The following MROH9 variants were observed in gnomAD, a reference collection of about 807,000 sequenced individuals.
MROH9 encodes the protein maestro heat-like repeat-containing protein family member 9.
A neutral mutation model predicts 98.2 loss-of-function variants in MROH9; 92 were observed. That is an observed-to-expected ratio of 0.94 (90% CI 0.79 to 1.11). The LOEUF (loss-of-function observed/expected upper bound fraction) is 1.11, where lower values mean the gene tolerates loss of function less well. Among genes scored for constraint, MROH9 ranks in the 50% most tolerant of loss-of-function variants. The pLI is 0.00. For missense variants in MROH9, 1,057 were observed against 1,014.8 expected, an observed-to-expected ratio of 1.04 and a Z score of -0.57; for synonymous variants, 397 against 368.9, an observed-to-expected ratio of 1.08 and a Z score of -0.87.
intron 20 of MROH9, among the ~76,000 whole-genome samples, chr1:171,057,046 C>A (rs571125824): frequency 1.3e-5 from 2 of 152,288 alleles, no homozygotes; most frequent in South Asian, 4.1e-4. Context: ...ACCCAAAAAT[C>A]CAGAGTGCCT....
chr1:171,004,410 C>T (rs577163000), intron 15 of MROH9, among the ~76,000 whole-genome samples: 1 of 150,370 alleles, frequency 6.7e-6, no homozygotes, highest in South Asian at 2.1e-4. Flanking sequence ...ACCCAGTGAA[C>T]TCCCAGGGCC....
chr1:170,937,560 C>T (rs1231567911), intron 1 of MROH9, among the ~76,000 whole-genome samples: 5 of 133,156 alleles, frequency 3.8e-5, no homozygotes, highest in South Asian at 2.3e-4. Context: ...CTCGCTCTGT[C>T]GCCCAGGCTG....
intron 20 of MROH9, among the ~76,000 whole-genome samples, chr1:171,055,884 G>C (rs79464590): frequency 0.025 from 3,828 of 152,236 alleles, 165 homozygotes; most frequent in African/African-American, 0.087. Flanking sequence ...AGTGTGGTGT[G>C]GTGGCCCATC....
chr1:170,969,705 A>G (rs894117186), intron 7 of MROH9, among the ~76,000 whole-genome samples: 1 of 152,182 alleles, frequency 6.6e-6, no homozygotes, highest in Non-Finnish European at 1.5e-5. Flanking sequence ...CCAGATCTAC[A>G]AAGAAAGGGC....
chr1:171,013,280 A>G (rs1286751086), intron 15 of MROH9, among the ~76,000 whole-genome samples: 11 of 152,194 alleles, frequency 7.2e-5, no homozygotes, highest in Admixed American at 7.2e-4. Context: ...AGGGCTGCAC[A>G]GCGGGAAGTG....
chr1:170,936,724 T>C (rs1425117205), intron 1 of MROH9, among the ~76,000 whole-genome samples: 1 of 152,120 alleles, frequency 6.6e-6, no homozygotes, highest in Non-Finnish European at 1.5e-5. Context: ...CATGTTGAAA[T>C]GTAGTGGGAT....
intron 20 of MROH9, among the ~76,000 whole-genome samples, chr1:171,055,724 C>A (rs569635491): frequency 1.3e-5 from 2 of 151,676 alleles, no homozygotes. Flanking sequence ...GCCAAGATGT[C>A]CAACTAGAAA....
rs559278600 is a variant in MROH9 at position 171,062,291 on chromosome 1, G to C, written c.2344+97G>C. On this transcript the variant is annotated intron_variant, in intron 21 of 21. Transcript: ENST00000367759. ...CATATGAGTTCTGTTAGAGTGCCAGGCCAGACAGGAAGAGGGTGGTGGTAG... is the reference window on the plus strand; with the variant it reads ...CATATGAGTTCTGTTAGAGTGCCAGCCCAGACAGGAAGAGGGTGGTGGTAG... 7.4e-6 allele frequency: 6 copies of C among 815,106 alleles called. No homozygotes were observed. In the African/African-American group the frequency reaches 1.0e-4, roughly 14 times the overall value. 50.5% of individuals were successfully genotyped at this position (815,106 alleles called of 1,614,324 possible). A position where few individuals can be genotyped will look rare whatever the true frequency, so the allele number is the denominator to read the frequency against.
At chr1:171,051,200 A>C (rs929555978) in intron 20 of MROH9, among the ~76,000 whole-genome samples, 1 of 152,190 alleles carries the variant, frequency 6.6e-6, no homozygotes, top group Non-Finnish European at 1.5e-5. Flanking sequence ...AAGACCTAAA[A>C]CCAGAAATAC....
At chr1:170,963,795 A>G (rs1479781634) in intron 6 of MROH9, among the ~76,000 whole-genome samples, 1 of 152,114 alleles carries the variant, frequency 6.6e-6, no homozygotes, top group Non-Finnish European at 1.5e-5. Context: ...GAAAACATGA[A>G]CACATATTGG....
intron 3 of MROH9, among the ~76,000 whole-genome samples, chr1:170,950,861 T>C (rs960615957): frequency 6.6e-6 from 1 of 152,128 alleles, no homozygotes; most frequent in Non-Finnish European, 1.5e-5. Flanking sequence ...TTACTATGCA[T>C]GTTTGTAAAT....
chr1:171,024,329 T>TGC, intron 17 of MROH9, 66 bp from the exon 18 acceptor site: 1 of 1,118,632 alleles, frequency 8.9e-7, no homozygotes, highest in East Asian at 2.6e-5. Context: ...TGTGTGTGTG[T>TGC]GTAGATTACT....
chr1:170,964,796 A>C (rs902227862), intron 6 of MROH9, among the ~76,000 whole-genome samples: 4 of 152,108 alleles, frequency 2.6e-5, no homozygotes, highest in African/African-American at 9.7e-5. Context: ...GTCATTTAAA[A>C]ATAAAAGGGA....
intron 20 of MROH9, among the ~76,000 whole-genome samples, chr1:171,032,422 G>A (rs998077674): frequency 1.3e-5 from 2 of 152,170 alleles, no homozygotes; most frequent in African/African-American, 2.4e-5. Context: ...TTTGTCTAGA[G>A]TCGGTCTTTG....
intron 1 of MROH9, among the ~76,000 whole-genome samples, chr1:170,944,154 G>C (rs903705960): frequency 6.6e-6 from 1 of 151,956 alleles, no homozygotes; most frequent in Non-Finnish European, 1.5e-5. Context: ...ATTGTATGAG[G>C]AGTGACAGAG....
intron 12 of MROH9, among the ~76,000 whole-genome samples, chr1:170,992,911 T>C (rs1651412795): frequency 6.6e-6 from 1 of 152,196 alleles, no homozygotes; most frequent in Non-Finnish European, 1.5e-5. Flanking sequence ...ATCTCATTTG[T>C]GTCCATCATT....
intron 7 of MROH9, among the ~76,000 whole-genome samples, chr1:170,968,285 G>T (rs992673353): frequency 6.6e-6 from 1 of 152,266 alleles, no homozygotes; most frequent in East Asian, 1.9e-4. Flanking sequence ...ACATTGTCCC[G>T]CATTCCTCTT....
In MROH9 at chr1:171,024,548, G is replaced by A; in HGVS notation, c.2061+1G>A. 1 of 1,528,644 alleles carries A rather than the reference G, an allele frequency of 6.5e-7. No individual in the cohort carries two copies. The highest frequency in any genetic ancestry group is 8.8e-7 in the Non-Finnish European group (1 of 1,137,598). 94.7% of individuals were successfully genotyped at this position (1,528,644 alleles called of 1,614,324 possible). ...GGATGATGATAAAAGAGTAGCTGAA[G>A]TAAGTCATTTGATCTTCTTTTTCAT... On this transcript the variant is annotated splice_donor_variant, in intron 18 of 21. Transcript: ENST00000367759. LOFTEE classifies it high-confidence loss of function.
At chr1:171,049,934 G>A (rs1653611621) in intron 20 of MROH9, among the ~76,000 whole-genome samples, 1 of 151,990 alleles carries the variant, frequency 6.6e-6, no homozygotes, top group Admixed American at 6.5e-5. Context: ...TGCCTGCCTT[G>A]GCCTCCCAAT....
Sources: gnomAD v4.1 joint callset for allele counts (sites outside exome capture counted in the v4.1 genomes callset) on GRCh38, gnomAD v4.1.1 for gene constraint, MANE v1.5 for transcripts, NCBI Gene and HGNC (gene_info 2026-07-23, HGNC 2026-07-21) for gene names.